ARAP2: variants seen among roughly 807,000 people sequenced by gnomAD.
ARAP2 encodes the protein ArfGAP with RhoGAP domain, ankyrin repeat and PH domain 2.
A neutral mutation model predicts 194.5 loss-of-function variants in ARAP2; 148 were observed. The ratio of observed to expected loss-of-function variants is 0.76; its 90% CI spans 0.67 to 0.87. The LOEUF (loss-of-function observed/expected upper bound fraction) is 0.87, where lower values mean the gene tolerates loss of function less well. Ranked by LOEUF, ARAP2 falls within the 40% of genes least tolerant of loss-of-function variation. ARAP2 has a pLI of 0.00. For missense variants in ARAP2, 2,128 were observed against 1,989.7 expected, an observed-to-expected ratio of 1.07 and a Z score of -1.32; for synonymous variants, 695 against 683.5, an observed-to-expected ratio of 1.02 and a Z score of -0.26.
At chr4:36,236,701 A>G (rs539595404) in intron 1 of ARAP2, among the ~76,000 whole-genome samples, 76 of 152,364 alleles carry the variant, frequency 5.0e-4, no homozygotes, top group Middle Eastern at 3.4e-3. Flanking sequence ...ATATTCCAGA[A>G]CAGTGGTTCC....
At chr4:36,075,913 G>A (rs1728149318) in intron 31 of ARAP2, among the ~76,000 whole-genome samples, 1 of 152,086 alleles carries the variant, frequency 6.6e-6, no homozygotes, top group Non-Finnish European at 1.5e-5. Context: ...TGGGACAACT[G>A]GTTTCCTCAC....
At chr4:36,077,095 G>A (rs1381466079) in intron 31 of ARAP2, among the ~76,000 whole-genome samples, 1 of 152,070 alleles carries the variant, frequency 6.6e-6, no homozygotes, top group African/African-American at 2.4e-5. Context: ...GCTTGCAGGG[G>A]TGAATGCTGG....
intron 5 of ARAP2, among the ~76,000 whole-genome samples, chr4:36,033,014 T>C (rs1388622622): frequency 6.6e-6 from 1 of 152,252 alleles, no homozygotes; most frequent in Admixed American, 6.5e-5. Flanking sequence ...TCTCATTTTT[T>C]TGTGGCTGCA....
intron 27 of ARAP2, among the ~76,000 whole-genome samples, chr4:36,100,862 G>A (rs1431790887): frequency 6.6e-6 from 1 of 151,878 alleles, no homozygotes; most frequent in African/African-American, 2.4e-5. Context: ...CTTCAAGAAA[G>A]TAATCTATTT....
chr4:36,193,780 A>G, intron 6 of ARAP2, 133 bp from the exon 7 acceptor site: 1 of 643,184 alleles, frequency 1.6e-6, no homozygotes, highest in Non-Finnish European at 2.5e-6. Flanking sequence ...AGGCTATGAT[A>G]ATACACAGTT....
At chr4:36,015,343 GCATCCCTAAACT>G (rs1344502208) in intron 8 of ARAP2, 1 of 152,180 alleles carries the variant, frequency 6.6e-6, no homozygotes, top group Non-Finnish European at 1.5e-5. Context: ...TGCATAACAA[GCATCCCTAAACT>G]CAGTGCTTTA....
chr4:36,065,470 G>A, downstream of ARAP2: 1 of 353,582 alleles, frequency 2.8e-6, no homozygotes, highest in East Asian at 8.6e-5. Flanking sequence ...GGCCTTTGAT[G>A]GGCTGGCTGC....
chr4:36,228,178 G>C (rs17421965), intron 2 of ARAP2, among the ~76,000 whole-genome samples: 1 of 152,176 alleles, frequency 6.6e-6, no homozygotes, highest in Non-Finnish European at 1.5e-5. Context: ...ATTGTACCAC[G>C]CAGCAGAGAT....
At chr4:36,118,581 T>TA (rs1352172942) in intron 24 of ARAP2, among the ~76,000 whole-genome samples, 1 of 151,406 alleles carries the variant, frequency 6.6e-6, no homozygotes, top group East Asian at 1.9e-4. Flanking sequence ...ATATAAAAGA[T>TA]AAAAAATGCA....
intron 5 of ARAP2, among the ~76,000 whole-genome samples, chr4:36,023,246 T>C (rs535970880): frequency 1.1e-4 from 16 of 152,274 alleles, no homozygotes; most frequent in African/African-American, 3.4e-4. Flanking sequence ...GAAAACAAAA[T>C]GTCACTTGGG....
intron 2 of ARAP2, 107 bp from the exon 3 acceptor site, chr4:36,214,587 T>C: frequency 1.5e-6 from 1 of 684,070 alleles, no homozygotes; most frequent in African/African-American, 1.9e-5. Context: ...ATGATTTATA[T>C]TTAAGTGAAG....
intron 27 of ARAP2, among the ~76,000 whole-genome samples, chr4:36,105,904 T>C (rs1011167618): frequency 6.6e-6 from 1 of 151,948 alleles, no homozygotes; most frequent in Admixed American, 6.6e-5. Context: ...GTTTTAAACA[T>C]GTTGCAACAT....
In ARAP2 at chr4:36,159,429, C is replaced by T. The variant is rs764573146; in HGVS notation, c.2519G>A (p.Cys840Tyr). 7 of 1,611,678 alleles carry T rather than the reference C, an allele frequency of 4.3e-6. No individual in the cohort carries two copies. The highest frequency in any genetic ancestry group is 1.1e-5 in the South Asian group (1 of 90,826). The change falls in exon 14 of 33, where the codon TGT (cysteine) becomes TAT (tyrosine). Residue 840 changes from cysteine (C) to tyrosine (Y), a missense_variant. Physicochemically the swap from Cys to Tyr is radical, Grantham distance 194. Coordinates refer to ENST00000303965, the MANE Select transcript of ARAP2 (RefSeq NM_015230.4). ...GCTATGCACGGGGTCTCCGGTGGCA[C>T]ACATGACATCTGCTCCACTGAACAG... ...ALLFSGADVM[C>Y]ATGDPVHSTP...
chr4:36,201,054 G>C (rs528355519), intron 6 of ARAP2, among the ~76,000 whole-genome samples: 75 of 152,288 alleles, frequency 4.9e-4, no homozygotes, highest in African/African-American at 1.8e-3. Context: ...CAATAAAGAA[G>C]TTATTTGGTA....
At chr4:36,193,094 C>A (rs1742303188) in intron 7 of ARAP2, among the ~76,000 whole-genome samples, 2 of 152,222 alleles carry the variant, frequency 1.3e-5, no homozygotes, top group South Asian at 4.1e-4. Context: ...TGCTCTGAGT[C>A]ACTGCAAAAT....
At position 36,143,989 on chromosome 4, in the gene ARAP2, T is replaced by C. The variant is rs59735124; in HGVS notation, c.3263+3307A>G. On this transcript the variant is annotated intron_variant, in intron 19 of 32. Coordinates refer to ENST00000303965, the MANE Select transcript of ARAP2 (RefSeq NM_015230.4). ...CTGCAGTCCAGCGGTAAGATCAAAA[T>C]GTACAAAATAATAAAACATTTAGTG... is the stretch of plus-strand genomic sequence containing the variant. Among the ~76,000 whole-genome samples the C allele has an allele frequency of 6.3e-3, 962 of 151,970 alleles. 12 individuals are homozygous for C. Among genetic ancestry groups the C allele is most frequent in the African/African-American group, 0.022 (910 of 41,510 alleles).
intron 3 of ARAP2, among the ~76,000 whole-genome samples, chr4:36,051,803 A>T (rs1016797537): frequency 2.6e-5 from 4 of 152,234 alleles, no homozygotes; most frequent in Non-Finnish European, 2.9e-5. Context: ...AATGAGCTTA[A>T]CTATTAACTC....
In ARAP2 at chr4:36,244,473, T is replaced by TGCTCAGGTGCTCCCGCGCCTC. The variant is rs1754277757; in HGVS notation, c.-475_-455dup. On this transcript the variant is annotated 5_prime_UTR_variant, in exon 1 of 33. Transcript: ENST00000303965. ...AACGCCGAGCCCGGCGCCCGCGCCT[T>TGCTCAGGTGCTCCCGCGCCTC]GCTCAGGTGCTCCCGCGCCTCGCCT... 6.6e-6 allele frequency: 1 copy of TGCTCAGGTGCTCCCGCGCCTC among 150,546 alleles called. No homozygotes were observed. The highest frequency in any genetic ancestry group is 1.5e-5 in the Non-Finnish European group (1 of 67,422). 9.3% of individuals were successfully genotyped at this position (150,546 alleles called of 1,614,324 possible). A position where few individuals can be genotyped will look rare whatever the true frequency, so the allele number is the denominator to read the frequency against.
chr4:36,193,489 C>A (rs1405976612), intron 7 of ARAP2, 89 bp downstream of exon 7: 3 of 682,100 alleles, frequency 4.4e-6, no homozygotes, highest in South Asian at 5.1e-5. Flanking sequence ...TGAGAATCTA[C>A]CTCCTATTCT....
Sources: allele counts gnomAD v4.1 joint callset (sites outside exome capture counted in the v4.1 genomes callset), GRCh38; gene constraint gnomAD v4.1.1; transcripts MANE v1.5; gene names NCBI Gene and HGNC (gene_info 2026-07-23, HGNC 2026-07-21).